Variants in LPP observed in about 807,000 individuals in gnomAD.
LPP encodes lipoma-preferred partner.
A neutral mutation model predicts 60.4 loss-of-function variants in LPP; 38 were observed. The observed-to-expected ratio is 0.63, with a 90% CI of 0.49 to 0.83. LPP has a LOEUF of 0.83. Among genes scored for constraint, LPP ranks in the 40% least tolerant of loss-of-function variants. LPP has a pLI of 0.00. For synonymous variants in LPP, 328 were observed against 290.8 expected (o/e 1.13, Z -1.30); for missense variants, 902 against 783.6 (o/e 1.15, Z -1.80).
intron 6 of LPP, among the ~76,000 whole-genome samples, chr3:188,525,729 T>G (rs1820410679): frequency 6.6e-6 from 1 of 152,192 alleles, no homozygotes; most frequent in Non-Finnish European, 1.5e-5. Context: ...TTTATTTACT[T>G]TTCTTTCCTA....
At chr3:188,386,531 T>A (rs957580555) in intron 3 of LPP, among the ~76,000 whole-genome samples, 3 of 152,222 alleles carry the variant, frequency 2.0e-5, no homozygotes, top group Non-Finnish European at 4.4e-5. Context: ...TATATAAACC[T>A]CTTTTGCCCA....
chr3:188,654,867 G>A (rs1852826231), intron 7 of LPP, among the ~76,000 whole-genome samples: 1 of 152,132 alleles, frequency 6.6e-6, no homozygotes, highest in Admixed American at 6.5e-5. Context: ...CTTCAATTTG[G>A]TTATACCCAG....
chr3:188,205,711 A>G (rs1733015135), intron 1 of LPP, among the ~76,000 whole-genome samples: 1 of 152,172 alleles, frequency 6.6e-6, no homozygotes, highest in South Asian at 2.1e-4. Flanking sequence ...TACATGTCAG[A>G]CCTTGGAATT....
intron 1 of LPP, among the ~76,000 whole-genome samples, chr3:188,173,565 C>A (rs541505355): frequency 6.6e-6 from 1 of 151,828 alleles, no homozygotes; most frequent in Non-Finnish European, 1.5e-5. Context: ...GTGACTCCAT[C>A]TCAAAAAAAA....
At chr3:188,462,544 T>TATATATA (rs1799236891) in intron 4 of LPP, among the ~76,000 whole-genome samples, 3 of 34,188 alleles carry the variant, frequency 8.8e-5, no homozygotes, top group East Asian at 1.3e-3. Context: ...TATATGAGCT[T>TATATATA]TATATATATA....
intron 4 of LPP, among the ~76,000 whole-genome samples, chr3:188,466,484 A>G (rs1800410726): frequency 6.6e-6 from 1 of 151,956 alleles, no homozygotes; most frequent in African/African-American, 2.4e-5. Context: ...TAAAGCTTGT[A>G]TCTTCTTTAT....
intron 1 of LPP, among the ~76,000 whole-genome samples, chr3:188,215,360 T>G (rs1048952886): frequency 1.3e-5 from 2 of 152,068 alleles, no homozygotes; most frequent in African/African-American, 4.8e-5. Flanking sequence ...ACATTCATAT[T>G]GCTGTGTAAT....
intron 1 of LPP, among the ~76,000 whole-genome samples, chr3:188,161,914 A>G (rs1718410315): frequency 6.6e-6 from 1 of 152,212 alleles, no homozygotes; most frequent in Non-Finnish European, 1.5e-5. Flanking sequence ...GCTGCCATTG[A>G]TGCTTGTTTG....
intron 8 of LPP, among the ~76,000 whole-genome samples, chr3:188,746,094 G>A (rs952788323): frequency 2.0e-5 from 3 of 151,992 alleles, no homozygotes; most frequent in Non-Finnish European, 2.9e-5. Context: ...CCATCACTCC[G>A]AGTTGTACCA....
In LPP at chr3:188,885,044, A is replaced by G. The variant is rs1293565128; in HGVS notation, c.*10565A>G. On this transcript the variant is annotated 3_prime_UTR_variant, in exon 12 of 12. Coordinates refer to ENST00000617246, the MANE Select transcript of LPP (RefSeq NM_001375462.1). ...AGAAAGTCTCCATGTATGCTCTAGA[A>G]GTTGCTCTACGTAACAGTTCAGCAA... The G allele has an allele frequency of 4.7e-6, 1 of 214,872 alleles. No individual in the cohort carries two copies. Among genetic ancestry groups the G allele is most frequent in the Non-Finnish European group, 9.4e-6 (1 of 106,508 alleles). The allele number at this position is 214,872 out of a possible 1,614,324, so 13.3% of individuals were successfully genotyped here. A position where few individuals can be genotyped will look rare whatever the true frequency, so the allele number is the denominator to read the frequency against.
At chr3:188,400,953 CA>C (rs1782094214) in intron 3 of LPP, among the ~76,000 whole-genome samples, 3 of 152,156 alleles carry the variant, frequency 2.0e-5, no homozygotes, top group Admixed American at 2.0e-4. Flanking sequence ...GAAGTTTCAT[CA>C]AACCCATTTA....
chr3:188,704,680 A>G (rs1306695616), intron 7 of LPP, among the ~76,000 whole-genome samples: 3 of 152,206 alleles, frequency 2.0e-5, no homozygotes, highest in African/African-American at 7.2e-5. Flanking sequence ...CTAATTGAGA[A>G]CATGCAAATA....
chr3:188,755,735 A>G (rs551304203), intron 8 of LPP, among the ~76,000 whole-genome samples: 1 of 143,964 alleles, frequency 6.9e-6, no homozygotes, highest in Non-Finnish European at 1.5e-5. Context: ...ACTTGAGCCC[A>G]GGAGTTCAAG....
rs2152073850 is a variant in LPP at position 188,878,490 on chromosome 3, A to T, written c.*4011A>T. The T allele has an allele frequency of 4.6e-6, 1 of 215,870 alleles. No homozygotes were observed. Among genetic ancestry groups the T allele is most frequent in the Non-Finnish European group, 9.4e-6 (1 of 106,726 alleles). The allele number at this position is 215,870 out of a possible 1,614,324, so 13.4% of individuals were successfully genotyped here. A position where few individuals can be genotyped will look rare whatever the true frequency, so the allele number is the denominator to read the frequency against. Reference sequence around the variant, plus strand: ...TATAGTACATGTGTGTTATGAATGAAATATGACAGCATGTTCCATACCCCT... The same window carrying T: ...TATAGTACATGTGTGTTATGAATGATATATGACAGCATGTTCCATACCCCT... On this transcript the variant is annotated 3_prime_UTR_variant, in exon 12 of 12. Coordinates refer to ENST00000617246, the MANE Select transcript of LPP (RefSeq NM_001375462.1).
intron 5 of LPP, among the ~76,000 whole-genome samples, chr3:188,521,903 G>A (rs985492882): frequency 6.6e-6 from 1 of 152,112 alleles, no homozygotes; most frequent in African/African-American, 2.4e-5. Flanking sequence ...TTTTATATCT[G>A]CGCACAAGAG....
At chr3:188,555,668 A>C (rs539826696) in intron 6 of LPP, among the ~76,000 whole-genome samples, 2 of 152,202 alleles carry the variant, frequency 1.3e-5, no homozygotes, top group South Asian at 4.1e-4. Context: ...GGAGACAGGA[A>C]GATTAATTTT....
At chr3:188,428,918 C>A (rs1211164614) in intron 4 of LPP, among the ~76,000 whole-genome samples, 1 of 152,022 alleles carries the variant, frequency 6.6e-6, no homozygotes, top group Non-Finnish European at 1.5e-5. Context: ...AAAACAAGAA[C>A]AACCTGATCA....
At chr3:188,688,870 G>A (rs768215434) in intron 7 of LPP, 11 of 519,044 alleles carry the variant, frequency 2.1e-5, no homozygotes, top group Non-Finnish European at 4.3e-5. Context: ...AGGCACTTTC[G>A]TTCATCTGAA....
intron 10 of LPP, among the ~76,000 whole-genome samples, chr3:188,872,150 GTC>G (rs1768273901): frequency 6.6e-6 from 1 of 152,130 alleles, no homozygotes; most frequent in Non-Finnish European, 1.5e-5. Context: ...GTCTTCTTAT[GTC>G]AGTTCCTAGA....
Sources: gnomAD v4.1 joint callset for allele counts (sites outside exome capture counted in the v4.1 genomes callset) on GRCh38, gnomAD v4.1.1 for gene constraint, MANE v1.5 for transcripts, NCBI Gene and HGNC (gene_info 2026-07-23, HGNC 2026-07-21) for gene names.